TRIP12: variants seen among roughly 807,000 people sequenced by gnomAD.
TRIP12 encodes E3 ubiquitin-protein ligase TRIP12.
A neutral mutation model predicts 244.2 loss-of-function variants in TRIP12; 25 were observed. The ratio of observed to expected loss-of-function variants is 0.10; its 90% confidence interval spans 0.07 to 0.14. The LOEUF is 0.14. Among genes scored for constraint, TRIP12 ranks in the 10% least tolerant of loss-of-function variants. TRIP12 has a pLI of 1.00. For synonymous variants in TRIP12, 905 were observed against 873.1 expected, an observed-to-expected ratio of 1.04 and a Z score of -0.64; for missense variants, 1,677 against 2,486.4, an observed-to-expected ratio of 0.67 and a Z score of 6.92.
Position 229,814,038 on chromosome 2 carries a change from T to C in TRIP12, c.1825-7A>G, listed in dbSNP as rs996829501. 6.4e-7 allele frequency: 1 copy of C among 1,566,702 alleles called. No individual in the cohort carries two copies. On this transcript the variant is annotated splice_region_variant and splice_polypyrimidine_tract_variant and intron_variant, in intron 12 of 41. Transcript: ENST00000675903. Reference sequence around the variant, plus strand: ...AGCAGTCTGCCAAACCACCCTAAAATATAGAAAACTGTTAAGGTAAAGAAA... The same window carrying C: ...AGCAGTCTGCCAAACCACCCTAAAACATAGAAAACTGTTAAGGTAAAGAAA...
chr2:229,840,974 C>T, intron 4 of TRIP12, 47 bp from the exon 5 acceptor site: 1 of 1,334,908 alleles, frequency 7.5e-7, no homozygotes. Flanking sequence ...GAGAAATTAT[C>T]ACTAATTAAA....
At chr2:229,908,497 C>T (rs925227309) in intron 1 of TRIP12, among the ~76,000 whole-genome samples, 8 of 152,268 alleles carry the variant, frequency 5.3e-5, no homozygotes, top group Non-Finnish European at 2.9e-5. Flanking sequence ...GTAATCCCAG[C>T]ACTTTGGGAG....
chr2:229,773,270 T>C (rs1405196023), intron 38 of TRIP12, among the ~76,000 whole-genome samples: 1 of 152,104 alleles, frequency 6.6e-6, no homozygotes, highest in Non-Finnish European at 1.5e-5. Flanking sequence ...GAGATGGGGT[T>C]TCACTATGTT....
intron 5 of TRIP12, among the ~76,000 whole-genome samples, chr2:229,839,406 G>A (rs1027186318): frequency 3.3e-5 from 5 of 152,062 alleles, no homozygotes; most frequent in Non-Finnish European, 7.4e-5. Context: ...GGCCGGGCAC[G>A]GTGGCTCACG....
At chr2:229,780,996 C>T (rs1422320654) in intron 34 of TRIP12, among the ~76,000 whole-genome samples, 1 of 152,200 alleles carries the variant, frequency 6.6e-6, no homozygotes, top group Non-Finnish European at 1.5e-5. Flanking sequence ...AACATTATCC[C>T]AGGTTCAACA....
rs758591153 is a variant in TRIP12, at chr2:229,785,959, T to A, written c.4996-104A>T. ...TGCAAAAGAACAAGATCAACTCAAT[T>A]GTTAACACTTATTTCCTTAAACAGG... On this transcript the variant is annotated intron_variant, in intron 33 of 41. Coordinates refer to ENST00000675903, the MANE Select transcript of TRIP12 (RefSeq NM_001348323.3). The A allele has an allele frequency of 7.0e-6, 7 of 1,004,702 alleles. No homozygotes were observed. In the Middle Eastern group the frequency reaches 1.3e-3, roughly 187 times the overall value. 62.2% of individuals were successfully genotyped at this position (1,004,702 alleles called of 1,614,324 possible). A position where few individuals can be genotyped will look rare whatever the true frequency, so the allele number is the denominator to read the frequency against.
chr2:229,866,419 G>A (rs772743147), intron 2 of TRIP12, among the ~76,000 whole-genome samples: 41 of 152,098 alleles, frequency 2.7e-4, no homozygotes, highest in Non-Finnish European at 2.4e-4. Context: ...CTATTGAGAT[G>A]TTATTTTTGT....
At chr2:229,811,280 C>T (rs2047183238) in intron 13 of TRIP12, 76 bp from the exon 14 acceptor site, 1 of 1,412,138 alleles carries the variant, frequency 7.1e-7, no homozygotes, top group Non-Finnish European at 9.7e-7. Flanking sequence ...ACTTTATCTT[C>T]CTCCTAACCC....
chr2:229,850,643 G>A (rs2058481234), intron 4 of TRIP12, among the ~76,000 whole-genome samples: 1 of 152,202 alleles, frequency 6.6e-6, no homozygotes, highest in African/African-American at 2.4e-5. Context: ...TCAGCCCACC[G>A]CTGCAATGTG....
chr2:229,802,396 G>T lies in TRIP12; in HGVS notation c.3062C>A (p.Ala1021Glu). 6 of 1,613,960 alleles carry T rather than the reference G, an allele frequency of 3.7e-6. No homozygotes were observed. The highest frequency in any genetic ancestry group is 5.1e-6 in the Non-Finnish European group (6 of 1,179,952). ...CATGGATCCCGATCCATTCGTACAT[G>T]CCTTTGGTGGACTTGTCAACAAAGA... Reference protein sequence around the residue: ...SESLLTSPPKACTNGSGSMGS... With the variant: ...SESLLTSPPKECTNGSGSMGS... The change falls in exon 21 of 42, where the codon GCA (alanine) becomes GAA (glutamate). Residue 1021 changes from alanine to glutamate, a missense_variant. Coordinates refer to ENST00000675903, the MANE Select transcript of TRIP12 (RefSeq NM_001348323.3).
chr2:229,856,643 G>A (rs1326572432), intron 4 of TRIP12, among the ~76,000 whole-genome samples: 1 of 152,068 alleles, frequency 6.6e-6, no homozygotes, highest in Non-Finnish European at 1.5e-5. Flanking sequence ...TAAGCAGCTT[G>A]CTGTAAACTC....
chr2:229,819,950 T>C (rs1310778693), intron 8 of TRIP12, among the ~76,000 whole-genome samples: 1 of 152,202 alleles, frequency 6.6e-6, no homozygotes, highest in East Asian at 1.9e-4. Flanking sequence ...GCTGCCTACC[T>C]ACCTTTACCA....
chr2:229,853,220 C>T (rs1276792315), intron 4 of TRIP12, among the ~76,000 whole-genome samples: 1 of 152,084 alleles, frequency 6.6e-6, no homozygotes, highest in Non-Finnish European at 1.5e-5. Context: ...AAATAAAAAA[C>T]CTACCCAATG....
chr2:229,887,818 T>G (rs1487702903), intron 1 of TRIP12, among the ~76,000 whole-genome samples: 1 of 152,238 alleles, frequency 6.6e-6, no homozygotes, highest in Admixed American at 6.5e-5. Context: ...GAGCATCATA[T>G]TTTAATTTTG....
At chr2:229,808,427 C>A in intron 15 of TRIP12, 58 bp from the exon 16 acceptor site, 2 of 1,081,028 alleles carry the variant, frequency 1.9e-6, no homozygotes, top group South Asian at 2.6e-5. Flanking sequence ...CTACCTCATT[C>A]AAAGGCAAAC....
At chr2:229,815,828 A>G (rs138632766) in intron 9 of TRIP12, among the ~76,000 whole-genome samples, 8 of 152,336 alleles carry the variant, frequency 5.3e-5, no homozygotes, top group African/African-American at 1.9e-4. Flanking sequence ...TAAACATAAG[A>G]TAGATCACAT....
chr2:229,791,339 A>G (rs2154259362), intron 29 of TRIP12, 88 bp from the exon 30 acceptor site: 1 of 1,428,438 alleles, frequency 7.0e-7, no homozygotes, highest in South Asian at 1.2e-5. Context: ...CACAGTTACC[A>G]GAAGACTGTT....
intron 1 of TRIP12, among the ~76,000 whole-genome samples, chr2:229,900,344 C>T (rs1015354414): frequency 4.6e-5 from 7 of 152,156 alleles, no homozygotes; most frequent in Admixed American, 3.3e-4. Context: ...CTATCATAAC[C>T]AACAAACGTA....
rs144899845 is a variant in TRIP12 at position 229,811,353 on chromosome 2, C to A, written c.1987-149G>T. The A allele has an allele frequency of 4.0e-5, 30 of 756,960 alleles. No individual in the cohort carries two copies. The Admixed American group carries it at 8.3e-4, about 21-fold the overall frequency. 46.9% of individuals were successfully genotyped at this position (756,960 alleles called of 1,614,324 possible). On this transcript the variant is annotated intron_variant, in intron 13 of 41. Transcript: ENST00000675903. ...CTTTGAAAATGCAAATGGGCCTAAG[C>A]AAGGTACAGTCAGTAACATCACAAT...
Sources: allele counts gnomAD v4.1 joint callset (sites outside exome capture counted in the v4.1 genomes callset), GRCh38; gene constraint gnomAD v4.1.1; transcripts MANE v1.5; gene names NCBI Gene and HGNC (gene_info 2026-07-23, HGNC 2026-07-21).